ASCC3: variants seen among roughly 807,000 people sequenced by gnomAD.
ASCC3 encodes the protein activating signal cointegrator 1 complex subunit 3, also known as ASC-1 complex subunit P200.
Under a neutral mutation model 256.3 loss-of-function variants are expected in ASCC3, and 158 were observed. The ratio of observed to expected loss-of-function variants is 0.62; its 90% confidence interval spans 0.54 to 0.70. The LOEUF (loss-of-function observed/expected upper bound fraction) is 0.70. ASCC3 is among the 30% of genes least tolerant of loss of function. ASCC3 has a pLI of 0.00. For missense variants in ASCC3, 2,259 were observed against 2,626.0 expected, an observed-to-expected ratio of 0.86 and a Z score of 3.05; for synonymous variants, 948 against 883.4, an observed-to-expected ratio of 1.07 and a Z score of -1.30.
chr6:100,621,260 A>C (rs543006594), intron 30 of ASCC3, among the ~76,000 whole-genome samples: 9 of 152,304 alleles, frequency 5.9e-5, no homozygotes, highest in African/African-American at 2.2e-4. Context: ...ATGACATAAT[A>C]TTTCTAGCTG....
At position 100,662,363 on chromosome 6, in the gene ASCC3, G is replaced by A; in HGVS notation, c.2460C>T (p.Ala820=). ...ATLAWGVNLP[A]HAVIIKGTQI... ...CTCTTACCTTAATAATAACAGCATGGGCGGGAAGATTGACACCCCAGGCTA... is the reference window on the plus strand; with the variant it reads ...CTCTTACCTTAATAATAACAGCATGAGCGGGAAGATTGACACCCCAGGCTA... The change falls in exon 15 of 42, where the codon GCC becomes GCT. Residue 820 remains alanine (A), a synonymous_variant. Coordinates refer to ENST00000369162, the MANE Select transcript of ASCC3 (RefSeq NM_006828.4). 2.5e-6 allele frequency: 4 copies of A among 1,612,796 alleles called. No individual in the cohort carries two copies. Among genetic ancestry groups the A allele is most frequent in the Non-Finnish European group, 3.4e-6 (4 of 1,179,224 alleles).
At chr6:100,746,973 CCTA>C (rs1173687014) in intron 10 of ASCC3, among the ~76,000 whole-genome samples, 3 of 152,008 alleles carry the variant, frequency 2.0e-5, no homozygotes, top group Non-Finnish European at 4.4e-5. Flanking sequence ...AAAAGGCAAA[CCTA>C]CTAGTTGGAA....
At position 100,532,359 on chromosome 6, in the gene ASCC3, T is replaced by TGC. The variant is rs1382277562; in HGVS notation, c.5775+7803_5775+7804insGC. Reference sequence around the variant, plus strand: ...GCGTGTGTGTGTGTGTGTGTGTGTGTGTGTGTGTGTGTATGTGTGTATATA... The same window carrying TGC: ...GCGTGTGTGTGTGTGTGTGTGTGTGTGCGTGTGTGTGTGTATGTGTGTATATA... On this transcript the variant is annotated intron_variant, in intron 37 of 41. Coordinates refer to ENST00000369162, the MANE Select transcript of ASCC3 (RefSeq NM_006828.4). 5.1e-3 allele frequency among the ~76,000 whole-genome samples: 696 copies of TGC among 136,404 alleles called. 4 individuals are homozygous for TGC. The highest frequency in any genetic ancestry group is 0.019 in the African/African-American group (664 of 34,426). 89.5% of individuals were successfully genotyped at this position (136,404 alleles called of 152,430 possible). A position where few individuals can be genotyped will look rare whatever the true frequency, so the allele number is the denominator to read the frequency against.
At chr6:100,880,592 T>C (rs1185899133) in intron 1 of ASCC3, among the ~76,000 whole-genome samples, 4 of 150,998 alleles carry the variant, frequency 2.6e-5, no homozygotes, top group Admixed American at 1.3e-4. Flanking sequence ...AATGACATTA[T>C]AGGCTCCTTG....
chr6:100,606,619 T>C, intron 32 of ASCC3, 121 bp downstream of exon 32: 2 of 1,084,300 alleles, frequency 1.8e-6, no homozygotes, highest in South Asian at 1.9e-5. Context: ...GCTTATCATC[T>C]GTTTAAATGT....
chr6:100,808,463 C>G (rs1352954062), intron 4 of ASCC3, among the ~76,000 whole-genome samples: 1 of 151,832 alleles, frequency 6.6e-6, no homozygotes, highest in Non-Finnish European at 1.5e-5. Context: ...AAATATTATT[C>G]TCTTTTCTAA....
At chr6:100,676,864 C>T (rs993538641) in intron 14 of ASCC3, among the ~76,000 whole-genome samples, 3 of 152,084 alleles carry the variant, frequency 2.0e-5, no homozygotes, top group Non-Finnish European at 4.4e-5. Context: ...TAAAGAAGTG[C>T]TTTTAAAGAT....
At chr6:100,799,146 T>C (rs367603963) in intron 7 of ASCC3, among the ~76,000 whole-genome samples, 57 of 152,130 alleles carry the variant, frequency 3.7e-4, no homozygotes, top group Admixed American at 1.5e-3. Flanking sequence ...ATTAGGAAAA[T>C]GTACAGCATA....
At chr6:100,580,138 G>C (rs933053760) in intron 36 of ASCC3, among the ~76,000 whole-genome samples, 1 of 151,846 alleles carries the variant, frequency 6.6e-6, no homozygotes, top group South Asian at 2.1e-4. Context: ...GAATGTTGTT[G>C]GTGTACAGAA....
chr6:100,732,415 A>C (rs1779945553), intron 10 of ASCC3, among the ~76,000 whole-genome samples: 1 of 152,154 alleles, frequency 6.6e-6, no homozygotes, highest in African/African-American at 2.4e-5. Context: ...GGGAATCTAA[A>C]ACCTTATCAA....
chr6:100,655,673 T>G (rs765193891), intron 17 of ASCC3, 26 bp downstream of exon 17: 3 of 1,605,962 alleles, frequency 1.9e-6, no homozygotes, highest in Admixed American at 1.7e-5. Context: ...GGTCTGAATT[T>G]TTTTTTTAAT....
intron 36 of ASCC3, among the ~76,000 whole-genome samples, chr6:100,551,660 A>G (rs930474142): frequency 6.6e-6 from 1 of 152,046 alleles, no homozygotes; most frequent in Non-Finnish European, 1.5e-5. Flanking sequence ...GACATTTTTC[A>G]TTATCAAATT....
intron 10 of ASCC3, among the ~76,000 whole-genome samples, chr6:100,749,182 G>C (rs980981718): frequency 1.3e-5 from 2 of 151,968 alleles, no homozygotes; most frequent in African/African-American, 4.8e-5. Flanking sequence ...TGCTGTAGGT[G>C]AGTGAACGAA....
At chr6:100,830,666 C>T (rs986025049) in intron 4 of ASCC3, among the ~76,000 whole-genome samples, 1 of 152,128 alleles carries the variant, frequency 6.6e-6, no homozygotes, top group African/African-American at 2.4e-5. Context: ...AAAACGAAAA[C>T]ATAGCATTTA....
intron 8 of ASCC3, among the ~76,000 whole-genome samples, chr6:100,790,542 G>C (rs796911939): frequency 1.4e-4 from 21 of 151,982 alleles, no homozygotes; most frequent in African/African-American, 5.1e-4. Flanking sequence ...TGTTGTTGTA[G>C]GTCTGTGAAA....
intron 31 of ASCC3, 45 bp downstream of exon 31, chr6:100,606,906 T>C: frequency 6.2e-7 from 1 of 1,606,550 alleles, no homozygotes; most frequent in Non-Finnish European, 8.5e-7. Flanking sequence ...AAATATAACT[T>C]TTAAGTTACA....
At chr6:100,634,864 C>CAAAAAAAAAA (rs199632200) in intron 25 of ASCC3, among the ~76,000 whole-genome samples, 24 of 119,216 alleles carry the variant, frequency 2.0e-4, no homozygotes, top group East Asian at 7.9e-4. Context: ...CCTCAAAAAA[C>CAAAAAAAAAA]AAAAAAAAAA....
chr6:100,753,010 C>T (rs1781006908), intron 10 of ASCC3, among the ~76,000 whole-genome samples: 1 of 152,032 alleles, frequency 6.6e-6, no homozygotes, highest in Non-Finnish European at 1.5e-5. Flanking sequence ...AGGCCCCTTT[C>T]AGAGCACAGA....
At chr6:100,804,381 C>A (rs774381737) in intron 5 of ASCC3, among the ~76,000 whole-genome samples, 2 of 152,088 alleles carry the variant, frequency 1.3e-5, no homozygotes, top group Non-Finnish European at 2.9e-5. Context: ...AATTACACTA[C>A]TACCTGGCCC....
Sources: allele counts gnomAD v4.1 joint callset (sites outside exome capture counted in the v4.1 genomes callset), GRCh38; gene constraint gnomAD v4.1.1; transcripts MANE v1.5; gene names NCBI Gene and HGNC (gene_info 2026-07-23, HGNC 2026-07-21).